Variants in WDR25 observed in about 807,000 individuals in gnomAD.
The protein encoded by WDR25 is WD repeat domain 25, also known as WD repeat-containing protein 25.
In WDR25, 35 loss-of-function variants were observed where a neutral mutation model predicts 47.7. The observed-to-expected ratio is 0.73, with a 90% confidence interval of 0.56 to 0.97. The LOEUF is 0.97. WDR25 is among the 50% of genes least tolerant of loss of function. The pLI is 0.00. For synonymous variants in WDR25, 248 were observed against 278.9 expected (o/e 0.89, Z 1.10); for missense variants, 634 against 704.7 (o/e 0.90, Z 1.14).
intron 2 of WDR25, among the ~76,000 whole-genome samples, chr14:100,459,900 A>ATATATATATATATAT (rs1899331284): frequency 2.8e-5 from 1 of 36,274 alleles, no homozygotes; most frequent in Admixed American, 4.6e-4. Flanking sequence ...GTGTGTATAT[A>ATATATATATATATAT]TATATATATA....
chr14:100,456,568 C>T (rs139826017), intron 2 of WDR25, among the ~76,000 whole-genome samples: 1 of 152,212 alleles, frequency 6.6e-6, no homozygotes. Flanking sequence ...CAAAAAAGAT[C>T]CAAACTGGAC....
chr14:100,385,154 A>G (rs1896991093), intron 2 of WDR25, among the ~76,000 whole-genome samples: 1 of 152,176 alleles, frequency 6.6e-6, no homozygotes, highest in Non-Finnish European at 1.5e-5. Context: ...AGCTTCACCT[A>G]CTAGACTTTA....
chr14:100,517,285 G>A (rs942948256), intron 4 of WDR25, among the ~76,000 whole-genome samples: 8 of 151,648 alleles, frequency 5.3e-5, no homozygotes, highest in Admixed American at 3.3e-4. Context: ...CACCGTGTTA[G>A]CCAGGATGGT....
intron 2 of WDR25, among the ~76,000 whole-genome samples, chr14:100,384,808 C>A (rs1440308412): frequency 6.6e-6 from 1 of 152,152 alleles, no homozygotes; most frequent in African/African-American, 2.4e-5. Context: ...CTTCTGGGCC[C>A]CTGCTGGATC....
intron 1 of WDR25, among the ~76,000 whole-genome samples, chr14:100,380,608 C>T (rs763570028): frequency 2.4e-4 from 37 of 152,046 alleles, no homozygotes; most frequent in Non-Finnish European, 4.0e-4. Context: ...GATCTCCTGC[C>T]TCAGCCTCCC....
At position 100,468,552 on chromosome 14, in the gene WDR25, T is replaced by C. The variant is rs4905967; in HGVS notation, c.970+384T>C. Among the ~76,000 whole-genome samples the C allele has an allele frequency of 1.3e-5, 2 of 152,090 alleles. No homozygotes were observed. Among genetic ancestry groups the C allele is most frequent in the African/African-American group, 4.8e-5 (2 of 41,438 alleles). ...CCTGTCAATTCATTATCGTTGAAAG[T>C]CTGTGAGAAATGATTCCAGCTCATA... On this transcript the variant is annotated intron_variant, in intron 3 of 6. Transcript: ENST00000402312. The surrounding 1 kb of genome is among the most constrained non-coding windows in gnomAD (Gnocchi z 4.5).
At position 100,523,225 on chromosome 14, in the gene WDR25, C is replaced by A. The variant is rs1271852031; in HGVS notation, c.1102-2645C>A. ...CACACCTTACTGATGCCTGCAGGGG[C>A]AGACCCAGTGCTAGCCAAGGGTGAC... On this transcript the variant is annotated intron_variant, in intron 4 of 6. Coordinates refer to ENST00000402312, the MANE Select transcript of WDR25 (RefSeq NM_001161476.3). The surrounding 1 kb of genome is among the most constrained non-coding windows in gnomAD (Gnocchi z 4.7). 6.6e-6 allele frequency among the ~76,000 whole-genome samples: 1 copy of A among 152,214 alleles called. No homozygotes were observed. Among genetic ancestry groups the A allele is most frequent in the Non-Finnish European group, 1.5e-5 (1 of 68,042 alleles).
chr14:100,486,502 G>A (rs570318460), intron 4 of WDR25, among the ~76,000 whole-genome samples: 65 of 152,172 alleles, frequency 4.3e-4, no homozygotes, highest in African/African-American at 1.5e-3. Flanking sequence ...CACGGGGCTC[G>A]TTCCGTTTGC....
chr14:100,453,918 TTGGAATTCTCTGTATAA>T (rs1899120288), intron 2 of WDR25, among the ~76,000 whole-genome samples: 1 of 152,274 alleles, frequency 6.6e-6, no homozygotes, highest in Admixed American at 6.5e-5. Context: ...GAATAATTTC[TTGGAATTCTCTGTATAA>T]TGAATGTTCA....
At position 100,425,986 on chromosome 14, in the gene WDR25, T is replaced by C. The variant is rs1898156402; in HGVS notation, c.823-42035T>C. 1.3e-5 allele frequency among the ~76,000 whole-genome samples: 2 copies of C among 152,188 alleles called. No individual in the cohort carries two copies. The highest frequency in any genetic ancestry group is 2.4e-5 in the African/African-American group (1 of 41,440). On this transcript the variant is annotated intron_variant, in intron 2 of 6. Coordinates refer to ENST00000402312, the MANE Select transcript of WDR25 (RefSeq NM_001161476.3). The surrounding 1 kb of genome is among the most constrained non-coding windows in gnomAD (Gnocchi z 4.8). ...CAAATGGGATTTGCATAAGCCCAAA[T>C]GAGTGCAGGGTTATTCTCCGCACGC...
At chr14:100,528,209 G>A (rs574083823) in intron 5 of WDR25, among the ~76,000 whole-genome samples, 9 of 152,206 alleles carry the variant, frequency 5.9e-5, no homozygotes, top group South Asian at 2.1e-4. Flanking sequence ...CTGGAGGCCC[G>A]AAGTTCATAA....
intron 3 of WDR25, among the ~76,000 whole-genome samples, chr14:100,479,627 A>G (rs2140313085): frequency 6.6e-6 from 1 of 152,318 alleles, no homozygotes; most frequent in South Asian, 2.1e-4. Flanking sequence ...TGTTAGTATA[A>G]TTTAAAAAGT....
rs73343595 is a variant in WDR25 at position 100,424,642 on chromosome 14, T to G, written c.822+42896T>G. On this transcript the variant is annotated intron_variant, in intron 2 of 6. Coordinates refer to ENST00000402312, the MANE Select transcript of WDR25 (RefSeq NM_001161476.3). This position sits in a 1 kb window ranked among gnomAD's most constrained non-coding sequence, Gnocchi z 4.2. The stretch of plus-strand genomic sequence containing the variant: ...CGTGGGAATGTCTTGGGCCTGGGGA[T>G]GTAGAGCCCAGGTTCTGGGACCAGC... Among the ~76,000 whole-genome samples the G allele has an allele frequency of 4.8e-3, 734 of 152,256 alleles. 10 individuals carry two copies. The highest frequency in any genetic ancestry group is 0.017 in the African/African-American group (690 of 41,544).
rs1277135318 is a variant in WDR25 at position 100,425,907 on chromosome 14, G to C, written c.823-42114G>C. Among the ~76,000 whole-genome samples, 1 of 152,154 alleles carries C rather than the reference G, an allele frequency of 6.6e-6. No homozygotes were observed. Among genetic ancestry groups the C allele is most frequent in the Non-Finnish European group, 1.5e-5 (1 of 68,034 alleles). On this transcript the variant is annotated intron_variant, in intron 2 of 6. Coordinates refer to ENST00000402312, the MANE Select transcript of WDR25 (RefSeq NM_001161476.3). This position sits in a 1 kb window ranked among gnomAD's most constrained non-coding sequence, Gnocchi z 4.8. Reference sequence around the variant, plus strand: ...AACATGAGGCAAGGGGTATTCAGTGGGGCCAGGGCGAGACCCTGGGCCTTG... The same window carrying C: ...AACATGAGGCAAGGGGTATTCAGTGCGGCCAGGGCGAGACCCTGGGCCTTG...
chr14:100,430,588 T>A lies in WDR25; in HGVS notation c.823-37433T>A, dbSNP rs1465799510. Reference sequence around the variant, plus strand: ...TGTGCAAAATGGCTTCATGTACTGATAACCTCGTACCTTATGCCAGGCAGG... The same window carrying A: ...TGTGCAAAATGGCTTCATGTACTGAAAACCTCGTACCTTATGCCAGGCAGG... On this transcript the variant is annotated intron_variant, in intron 2 of 6. Coordinates refer to ENST00000402312, the MANE Select transcript of WDR25 (RefSeq NM_001161476.3). The surrounding 1 kb of genome is among the most constrained non-coding windows in gnomAD (Gnocchi z 4.7). 6.6e-6 allele frequency among the ~76,000 whole-genome samples: 1 copy of A among 152,184 alleles called. No homozygotes were observed. The highest frequency in any genetic ancestry group is 2.4e-5 in the African/African-American group (1 of 41,436).
At chr14:100,462,147 A>G (rs966474236) in intron 2 of WDR25, among the ~76,000 whole-genome samples, 3 of 151,738 alleles carry the variant, frequency 2.0e-5, no homozygotes, top group Non-Finnish European at 2.9e-5. Context: ...ACTGTGAGGA[A>G]CTCCTGGTGG....
At chr14:100,379,390 C>CTTTTTTTTTTTT (rs148841833) in intron 1 of WDR25, among the ~76,000 whole-genome samples, 1 of 135,446 alleles carries the variant, frequency 7.4e-6, no homozygotes, top group East Asian at 2.1e-4. Flanking sequence ...CTTTTTTTTT[C>CTTTTTTTTTTTT]TTTTTTTTTT....
chr14:100,473,252 G>A (rs759595102), intron 3 of WDR25, among the ~76,000 whole-genome samples: 1 of 152,196 alleles, frequency 6.6e-6, no homozygotes, highest in Non-Finnish European at 1.5e-5. Context: ...CTTTGCTTAT[G>A]TGACTCCTCC....
chr14:100,482,933 C>T (rs1268915022), intron 3 of WDR25, among the ~76,000 whole-genome samples: 2 of 152,224 alleles, frequency 1.3e-5, no homozygotes, highest in Non-Finnish European at 2.9e-5. Context: ...CCTTGTGGCA[C>T]CTCTGAGCGA....
Sources: allele counts gnomAD v4.1 joint callset (sites outside exome capture counted in the v4.1 genomes callset), GRCh38; gene constraint gnomAD v4.1.1; non-coding constraint Gnocchi (gnomAD v3.1); transcripts MANE v1.5; gene names NCBI Gene and HGNC (gene_info 2026-07-23, HGNC 2026-07-21).